PDK2: variants seen among roughly 807,000 people sequenced by gnomAD.
PDK2 encodes pyruvate dehydrogenase kinase 2, also known as pyruvate dehydrogenase kinase, isozyme 2.
Under a neutral mutation model 50.4 loss-of-function variants are expected in PDK2, and 34 were observed. The observed-to-expected ratio is 0.68, with a 90% confidence interval of 0.51 to 0.90. The LOEUF (loss-of-function observed/expected upper bound fraction) is 0.90, where lower values mean the gene tolerates loss of function less well. Among genes scored for constraint, PDK2 ranks in the 40% least tolerant of loss-of-function variants. The probability of loss-of-function intolerance (pLI) is 0.00; values close to 1 mark genes in which losing one functional copy is unlikely to be tolerated. For missense variants in PDK2, 377 were observed against 544.5 expected (o/e 0.69, Z 3.06); for synonymous variants, 232 against 216.0 (o/e 1.07, Z -0.65).
chr17:50,095,415 A>T lies in PDK2; in HGVS notation c.-21A>T. On this transcript the variant is annotated 5_prime_UTR_variant, in exon 1 of 11. Transcript: ENST00000503176. ...CGCTGCCCGCGCGGGGACCACAACCAAAGTCGCGGCCGCCGCAGCCATGCG... is the reference window on the plus strand; with the variant it reads ...CGCTGCCCGCGCGGGGACCACAACCTAAGTCGCGGCCGCCGCAGCCATGCG... 8.3e-6 allele frequency: 13 copies of T among 1,572,010 alleles called. No individual in the cohort carries two copies. Among genetic ancestry groups the T allele is most frequent in the Non-Finnish European group, 1.1e-5 (13 of 1,151,568 alleles).
intron 2 of PDK2, among the ~76,000 whole-genome samples, chr17:50,104,777 T>C (rs923904164): frequency 5.3e-5 from 8 of 152,188 alleles, no homozygotes; most frequent in African/African-American, 1.9e-4. Context: ...CCTTCCCACC[T>C]GCCATTTTAG....
intron 4 of PDK2, chr17:50,106,351 T>C: frequency 1.4e-6 from 1 of 706,084 alleles, no homozygotes; most frequent in East Asian, 3.3e-5. Flanking sequence ...TTATAAAAAC[T>C]CTCATTATGT....
chr17:50,095,364 C>A lies in PDK2; in HGVS notation c.-72C>A, dbSNP rs564606961. 1.8e-6 allele frequency: 2 copies of A among 1,123,452 alleles called. No individual in the cohort carries two copies. Among genetic ancestry groups the A allele is most frequent in the Admixed American group, 2.3e-5 (1 of 43,570 alleles). 69.6% of individuals were successfully genotyped at this position (1,123,452 alleles called of 1,614,324 possible). A position where few individuals can be genotyped will look rare whatever the true frequency, so the allele number is the denominator to read the frequency against. On this transcript the variant is annotated 5_prime_UTR_variant, in exon 1 of 11. Coordinates refer to ENST00000503176, the MANE Select transcript of PDK2 (RefSeq NM_002611.5). ...GGGTAGGGAGGAGGCGGCCGAACCG[C>A]GTCGCTGGGCCGAAAGGTGCGCGAG...
At chr17:50,102,734 G>C (rs1910301798) in intron 2 of PDK2, among the ~76,000 whole-genome samples, 1 of 152,110 alleles carries the variant, frequency 6.6e-6, no homozygotes. Context: ...TTCCTCATCT[G>C]TAAAATGGGT....
rs2144373078 is a variant in PDK2, at chr17:50,108,387, G to A, written c.831G>A (p.Val277=). 6.2e-7 allele frequency: 1 copy of A among 1,614,034 alleles called. No homozygotes were observed. The highest frequency in any genetic ancestry group is 8.5e-7 in the Non-Finnish European group (1 of 1,179,894). The change falls in exon 8 of 11, where the codon GTG becomes GTA. Residue 277 remains valine (V), a synonymous_variant. Coordinates refer to ENST00000503176, the MANE Select transcript of PDK2 (RefSeq NM_002611.5). ...SLILPPIKVM[V]ALGEEDLSIK... ...TTCTCCCACCCATCAAGGTCATGGTGGCCTTGGGTGAGGAAGATCTGTCCA... is the reference window on the plus strand; with the variant it reads ...TTCTCCCACCCATCAAGGTCATGGTAGCCTTGGGTGAGGAAGATCTGTCCA...
At chr17:50,108,836 C>T (rs1276319308) in intron 9 of PDK2, 117 bp downstream of exon 9, 1 of 676,824 alleles carries the variant, frequency 1.5e-6, no homozygotes, top group Admixed American at 2.4e-5. Flanking sequence ...AGTCACCTGT[C>T]TTGAATCTGG....
chr17:50,097,898 TC>T (rs1186125585), intron 2 of PDK2: 1 of 253,262 alleles, frequency 3.9e-6, no homozygotes, highest in Non-Finnish European at 7.7e-6. Flanking sequence ...GACCTGGAAC[TC>T]CAGTAACTGT....
chr17:50,109,237 G>T lies in PDK2; in HGVS notation c.970-50G>T, dbSNP rs1488315908. 9.2e-6 allele frequency: 11 copies of T among 1,190,760 alleles called. No individual in the cohort carries two copies. The highest frequency in any genetic ancestry group is 1.8e-5 in the Admixed American group (1 of 56,902). 73.8% of individuals were successfully genotyped at this position (1,190,760 alleles called of 1,614,324 possible). The stretch of plus-strand genomic sequence containing the variant: ...CCTGCATCAGTCCCTGCAGCTCCAG[G>T]AGGCCCCTGCCAGCCTCCTCATCCT... On this transcript the variant is annotated intron_variant, in intron 9 of 10. Coordinates refer to ENST00000503176, the MANE Select transcript of PDK2 (RefSeq NM_002611.5). The surrounding 1 kb of genome is among the most constrained non-coding windows in gnomAD (Gnocchi z 5.0).
intron 2 of PDK2, among the ~76,000 whole-genome samples, chr17:50,102,343 A>G (rs1020360353): frequency 3.9e-5 from 6 of 152,186 alleles, no homozygotes; most frequent in Non-Finnish European, 8.8e-5. Context: ...CCACGTGACC[A>G]GGCCCCATTC....
chr17:50,095,827 C>T (rs1909908835), intron 1 of PDK2: 1 of 1,183,696 alleles, frequency 8.4e-7, no homozygotes, highest in East Asian at 4.4e-5. Context: ...GGCAGTGAAG[C>T]TGTGATGTTA....
intron 5 of PDK2, 22 bp from the exon 6 acceptor site, chr17:50,107,054 G>C (rs1209903359): frequency 2.5e-6 from 4 of 1,612,162 alleles, no homozygotes; most frequent in Non-Finnish European, 8.5e-7. Context: ...CCCATGCCCT[G>C]AATGACCCCA....
intron 2 of PDK2, among the ~76,000 whole-genome samples, chr17:50,099,787 C>T (rs966010338): frequency 2.6e-5 from 4 of 152,308 alleles, no homozygotes; most frequent in African/African-American, 7.2e-5. Flanking sequence ...AGCGAGACTC[C>T]GTCTCAAAAA....
In PDK2 at chr17:50,108,143, A is replaced by C; in HGVS notation, c.686-13A>C. The C allele has an allele frequency of 6.3e-7, 1 of 1,581,948 alleles. No individual in the cohort carries two copies. The highest frequency in any genetic ancestry group is 8.6e-7 in the Non-Finnish European group (1 of 1,161,884). On this transcript the variant is annotated splice_polypyrimidine_tract_variant and intron_variant, in intron 6 of 10. Transcript: ENST00000503176. ...GACGGTTTCCTGACCCTTGGTCTTG[A>C]CTTGCCCTGTAGCAGCCAACTCCAA...
At chr17:50,097,933 A>G (rs1258302877) in intron 2 of PDK2, 1 of 202,900 alleles carries the variant, frequency 4.9e-6, no homozygotes, top group Non-Finnish European at 1.0e-5. Flanking sequence ...TTTGGGGGTA[A>G]CTTTTTGGGA....
chr17:50,107,176 G>T (rs769359476), intron 6 of PDK2, 23 bp downstream of exon 6: 17 of 1,606,200 alleles, frequency 1.1e-5, no homozygotes, highest in Non-Finnish European at 1.4e-5. Context: ...GGCTGTGTAT[G>T]TGTCTGTCTT....
intron 2 of PDK2, among the ~76,000 whole-genome samples, chr17:50,104,623 CA>C (rs1291119937): frequency 2.0e-5 from 3 of 152,190 alleles, no homozygotes; most frequent in Non-Finnish European, 4.4e-5. Flanking sequence ...CTGGCCTCCC[CA>C]TCAGGCCTGT....
intron 6 of PDK2, among the ~76,000 whole-genome samples, chr17:50,107,702 A>G (rs1433500593): frequency 1.3e-5 from 2 of 152,216 alleles, no homozygotes; most frequent in Admixed American, 6.5e-5. Context: ...CCTTCAGCCA[A>G]TTAACAAGTA....
rs1459859522 is a variant in PDK2, at chr17:50,107,111, T to TATTA, written c.644_647dup (p.Tyr216Ter). 6.2e-7 allele frequency: 1 copy of TATTA among 1,613,984 alleles called. No individual in the cohort carries two copies. Among genetic ancestry groups the TATTA allele is most frequent in the Non-Finnish European group, 8.5e-7 (1 of 1,180,016 alleles). On this transcript the variant is annotated stop_gained and frameshift_variant, in exon 6 of 11. Transcript: ENST00000503176. LOFTEE classifies it high-confidence loss of function. ...CATGGCTAAGCTCCTGTGTGACAAG[T>TATTA]ATTACATGGCCTCACCTGACCTGGA...
rs372819181 is a variant in PDK2 at position 50,099,860 on chromosome 17, G to A, written c.260+2296G>A. Among the ~76,000 whole-genome samples the A allele has an allele frequency of 5.9e-5, 9 of 152,362 alleles. No individual in the cohort carries two copies. In the South Asian group the frequency reaches 1.7e-3, roughly 28 times the overall value. On this transcript the variant is annotated intron_variant, in intron 2 of 10. Coordinates refer to ENST00000503176, the MANE Select transcript of PDK2 (RefSeq NM_002611.5). ...CGAGGGATTGCTAAAGCATCCCAAC[G>A]CGCTGAAGAGACAGCCTGCCAAGAA...
Sources: gnomAD v4.1 joint callset for allele counts (sites outside exome capture counted in the v4.1 genomes callset) on GRCh38, gnomAD v4.1.1 for gene constraint, Gnocchi (gnomAD v3.1) non-coding constraint, MANE v1.5 for transcripts, NCBI Gene and HGNC (gene_info 2026-07-23, HGNC 2026-07-21) for gene names.